OXR1: variants seen among roughly 807,000 people sequenced by gnomAD.
The protein encoded by OXR1 is oxidation resistance protein 1.
Under a neutral mutation model 104.6 loss-of-function variants are expected in OXR1, and 41 were observed. The observed-to-expected ratio is 0.39, with a 90% confidence interval of 0.31 to 0.51. The LOEUF is 0.51. Among genes scored for constraint, OXR1 ranks in the 20% least tolerant of loss-of-function variants. The probability of loss-of-function intolerance (pLI) is 0.77; values close to 1 mark genes in which losing one functional copy is unlikely to be tolerated. For missense variants in OXR1, 955 were observed against 1,031.9 expected (o/e 0.93, Z 1.02); for synonymous variants, 348 against 348.4 (o/e 1.00, Z 0.01).
intron 1 of OXR1, among the ~76,000 whole-genome samples, chr8:106,357,013 G>A (rs1022943045): frequency 4.6e-5 from 7 of 152,024 alleles, no homozygotes; most frequent in African/African-American, 9.6e-5. Context: ...GTTTTTGCTC[G>A]TTGATTGTTT....
intron 3 of OXR1, among the ~76,000 whole-genome samples, chr8:106,551,215 C>T (rs1209762195): frequency 1.3e-5 from 2 of 152,148 alleles, no homozygotes; most frequent in African/African-American, 4.8e-5. Flanking sequence ...AACACTATAT[C>T]TATTTTAGGA....
intron 3 of OXR1, among the ~76,000 whole-genome samples, chr8:106,559,893 G>GA (rs1295597101): frequency 1.3e-5 from 2 of 152,042 alleles, no homozygotes; most frequent in African/African-American, 4.8e-5. Flanking sequence ...TGGGTAGCTT[G>GA]AAAAAACATA....
chr8:106,423,584 G>A (rs564621581), intron 2 of OXR1, among the ~76,000 whole-genome samples: 3 of 152,254 alleles, frequency 2.0e-5, no homozygotes, highest in Non-Finnish European at 4.4e-5. Context: ...GCTAATTAGT[G>A]TGCCAGAACA....
At chr8:106,382,468 A>G (rs982055695) in intron 2 of OXR1, among the ~76,000 whole-genome samples, 1 of 152,122 alleles carries the variant, frequency 6.6e-6, no homozygotes, top group Non-Finnish European at 1.5e-5. Flanking sequence ...TCCTTCACAT[A>G]TAACTAACAT....
At chr8:106,521,881 G>GA (rs1348882468) in intron 3 of OXR1, among the ~76,000 whole-genome samples, 1 of 152,122 alleles carries the variant, frequency 6.6e-6, no homozygotes, top group African/African-American at 2.4e-5. Context: ...GAATCTCAGT[G>GA]AAGGAAGCCT....
intron 2 of OXR1, among the ~76,000 whole-genome samples, chr8:106,460,186 A>G (rs1000344573): frequency 6.6e-6 from 1 of 152,154 alleles, no homozygotes; most frequent in Non-Finnish European, 1.5e-5. Flanking sequence ...TCAATCACTG[A>G]CTTCTAAGTT....
intron 3 of OXR1, among the ~76,000 whole-genome samples, chr8:106,604,019 C>T (rs1307996850): frequency 6.6e-6 from 1 of 152,160 alleles, no homozygotes; most frequent in Non-Finnish European, 1.5e-5. Flanking sequence ...TGCCACTGCA[C>T]TCCAGCCTGG....
At chr8:106,326,073 GGAATT>G (rs1814457043) in intron 1 of OXR1, among the ~76,000 whole-genome samples, 1 of 152,148 alleles carries the variant, frequency 6.6e-6, no homozygotes. Context: ...TGCTGTCTTT[GGAATT>G]ATAATAGGTT....
intron 1 of OXR1, among the ~76,000 whole-genome samples, chr8:106,315,901 T>C (rs1427385958): frequency 6.6e-6 from 1 of 152,176 alleles, no homozygotes. Flanking sequence ...AAACACTTTT[T>C]TCACGTGTGT....
chr8:106,540,748 A>C (rs1043796465), intron 3 of OXR1, among the ~76,000 whole-genome samples: 2 of 152,210 alleles, frequency 1.3e-5, no homozygotes, highest in African/African-American at 4.8e-5. Flanking sequence ...AGGAGGAGCA[A>C]GTCACAGCTT....
intron 3 of OXR1, among the ~76,000 whole-genome samples, chr8:106,659,210 A>G (rs1302928340): frequency 1.3e-5 from 2 of 152,148 alleles, no homozygotes; most frequent in Non-Finnish European, 2.9e-5. Flanking sequence ...CCTCCTGCCT[A>G]GGCCTTCCCA....
intron 3 of OXR1, among the ~76,000 whole-genome samples, chr8:106,521,845 G>A (rs1313569718): frequency 6.6e-6 from 1 of 152,144 alleles, no homozygotes; most frequent in Non-Finnish European, 1.5e-5. Context: ...ATATAGTGGA[G>A]TGATATTTTT....
At chr8:106,679,523 T>G (rs1192091733) in intron 4 of OXR1, among the ~76,000 whole-genome samples, 1 of 152,042 alleles carries the variant, frequency 6.6e-6, no homozygotes, top group Non-Finnish European at 1.5e-5. Context: ...ATATAGATGA[T>G]AGTTTACTGA....
chr8:106,635,813 G>C (rs1329261599), intron 3 of OXR1, among the ~76,000 whole-genome samples: 1 of 152,110 alleles, frequency 6.6e-6, no homozygotes, highest in Non-Finnish European at 1.5e-5. Context: ...CACTTAAAGG[G>C]ATGCCAGAAA....
chr8:106,332,652 T>G (rs1814771131), intron 1 of OXR1, among the ~76,000 whole-genome samples: 1 of 152,186 alleles, frequency 6.6e-6, no homozygotes, highest in Non-Finnish European at 1.5e-5. Context: ...GATTTCTTTA[T>G]ACAACTTTAT....
intron 2 of OXR1, among the ~76,000 whole-genome samples, chr8:106,403,041 C>T (rs902317651): frequency 3.3e-5 from 5 of 152,138 alleles, no homozygotes; most frequent in African/African-American, 1.2e-4. Context: ...AGGATGGTCT[C>T]GATCTCCTGA....
rs976419941 is a variant in OXR1, at chr8:106,280,786, G to A, written c.-139+10419G>A. Among the ~76,000 whole-genome samples, 4 of 152,092 alleles carry A rather than the reference G, an allele frequency of 2.6e-5. No individual in the cohort carries two copies. In the South Asian group the frequency reaches 8.3e-4, roughly 32 times the overall value. ...AAAAATTAAACATGTAAAAAGTGAA[G>A]AAGAAGAAATTAGTGAAAATTTCTA... is the stretch of plus-strand genomic sequence containing the variant. On this transcript the variant is annotated intron_variant, in intron 1 of 16. Coordinates refer to ENST00000517566, the MANE Select transcript of OXR1 (RefSeq NM_001198533.2).
intron 2 of OXR1, among the ~76,000 whole-genome samples, chr8:106,508,604 A>G (rs979907365): frequency 2.0e-5 from 3 of 152,246 alleles, no homozygotes; most frequent in African/African-American, 7.2e-5. Context: ...ATTTTTAAAA[A>G]CCACAAAATG....
Position 106,681,469 on chromosome 8 carries a change from T to C in OXR1, c.304-1730T>C, listed in dbSNP as rs761106754. ...CAAACAAATGCACACGCACCTGCTT[T>C]TCCTGACTTTTGAAATCTTCTATAA... On this transcript the variant is annotated intron_variant, in intron 4 of 16. Coordinates refer to ENST00000517566, the MANE Select transcript of OXR1 (RefSeq NM_001198533.2). Among the ~76,000 whole-genome samples the C allele has an allele frequency of 7.5e-4, 114 of 152,314 alleles. 1 individual carries two copies. Among genetic ancestry groups the C allele is most frequent in the Admixed American group, 3.3e-4 (5 of 15,308 alleles).
Sources: gnomAD v4.1 joint callset for allele counts (sites outside exome capture counted in the v4.1 genomes callset) on GRCh38, gnomAD v4.1.1 for gene constraint, MANE v1.5 for transcripts, NCBI Gene and HGNC (gene_info 2026-07-23, HGNC 2026-07-21) for gene names.